Variants in SLC35F1 observed in about 807,000 individuals in gnomAD.
SLC35F1 encodes the protein solute carrier family 35 member F1, also known as chromosome 6 open reading frame 169.
A neutral mutation model predicts 48.7 loss-of-function variants in SLC35F1; 14 were observed. That is an observed-to-expected ratio of 0.29 (90% confidence interval 0.19 to 0.45). SLC35F1 has a LOEUF of 0.45. SLC35F1 is among the 20% of genes least tolerant of loss of function. The pLI is 1.00. For missense variants in SLC35F1, 404 were observed against 500.0 expected (o/e 0.81, Z 1.83); for synonymous variants, 190 against 202.2 (o/e 0.94, Z 0.51).
chr6:117,973,236 A>C (rs1216836401), intron 1 of SLC35F1, among the ~76,000 whole-genome samples: 1 of 152,020 alleles, frequency 6.6e-6, no homozygotes. Context: ...CTCTTCTTAT[A>C]AAGACAGCAG....
At chr6:117,998,957 G>A (rs1018563509) in intron 1 of SLC35F1, 165 of 941,610 alleles carry the variant, frequency 1.8e-4, no homozygotes, top group Non-Finnish European at 1.9e-4. Flanking sequence ...TTCGGGAGCC[G>A]CGGCTTATGG....
At chr6:118,070,960 GTA>G (rs1388913137) in intron 1 of SLC35F1, among the ~76,000 whole-genome samples, 2 of 131,190 alleles carry the variant, frequency 1.5e-5, no homozygotes, top group Non-Finnish European at 3.2e-5. Context: ...TATATACTGT[GTA>G]TATATATACA....
intron 1 of SLC35F1, among the ~76,000 whole-genome samples, chr6:118,005,758 A>T (rs1476918146): frequency 1.3e-5 from 2 of 152,186 alleles, no homozygotes; most frequent in African/African-American, 2.4e-5. Flanking sequence ...CAAGTCCATG[A>T]TCTAGCACTA....
At chr6:117,983,577 GA>G (rs1776810082) in intron 1 of SLC35F1, among the ~76,000 whole-genome samples, 1 of 151,788 alleles carries the variant, frequency 6.6e-6, no homozygotes. Context: ...ACGCAGTGTC[GA>G]AAAAGAAAAA....
At chr6:118,268,711 G>T (rs916028097) in intron 4 of SLC35F1, among the ~76,000 whole-genome samples, 3 of 147,848 alleles carry the variant, frequency 2.0e-5, no homozygotes, top group African/African-American at 7.5e-5. Flanking sequence ...CCGGGTTCAA[G>T]TGATTCCCCT....
At chr6:117,917,678 A>G (rs1337922505) in intron 1 of SLC35F1, among the ~76,000 whole-genome samples, 1 of 151,860 alleles carries the variant, frequency 6.6e-6, no homozygotes, top group Non-Finnish European at 1.5e-5. Flanking sequence ...TAAAGAGTTT[A>G]CTTTGGCAAG....
chr6:117,949,394 C>T (rs1308864390), intron 1 of SLC35F1, among the ~76,000 whole-genome samples: 1 of 152,160 alleles, frequency 6.6e-6, no homozygotes, highest in Non-Finnish European at 1.5e-5. Context: ...TTATTCCTCT[C>T]TTGGCACACC....
At chr6:117,913,252 A>C (rs1775785299) in intron 1 of SLC35F1, among the ~76,000 whole-genome samples, 1 of 152,220 alleles carries the variant, frequency 6.6e-6, no homozygotes, top group Non-Finnish European at 1.5e-5. Context: ...GTATGGAAAA[A>C]ACCTATGAAT....
At chr6:118,120,993 A>T (rs1013110605) in intron 1 of SLC35F1, among the ~76,000 whole-genome samples, 4 of 152,084 alleles carry the variant, frequency 2.6e-5, no homozygotes, top group Non-Finnish European at 5.9e-5. Flanking sequence ...CCTATCAGAA[A>T]TATATATATT....
chr6:118,072,201 C>G (rs1256634411), intron 1 of SLC35F1, among the ~76,000 whole-genome samples: 1 of 152,066 alleles, frequency 6.6e-6, no homozygotes, highest in Non-Finnish European at 1.5e-5. Context: ...TGTTTAATTT[C>G]CAAGAGATTT....
At chr6:118,094,740 A>C (rs1339236421) in intron 1 of SLC35F1, among the ~76,000 whole-genome samples, 1 of 151,960 alleles carries the variant, frequency 6.6e-6, no homozygotes, top group East Asian at 1.9e-4. Flanking sequence ...GGGCGAGGTG[A>C]GCAGATCACT....
intron 1 of SLC35F1, among the ~76,000 whole-genome samples, chr6:118,130,354 A>G (rs2114420575): frequency 6.6e-6 from 1 of 152,278 alleles, no homozygotes; most frequent in Non-Finnish European, 1.5e-5. Flanking sequence ...AAGTGAAGAT[A>G]GTTTCTTCCA....
At chr6:118,233,423 G>T (rs547057513) in intron 2 of SLC35F1, among the ~76,000 whole-genome samples, 1 of 152,336 alleles carries the variant, frequency 6.6e-6, no homozygotes, top group South Asian at 2.1e-4. Context: ...TGATCTGGCG[G>T]TGAAGAACTG....
chr6:117,933,874 C>T (rs1776132732), intron 1 of SLC35F1, among the ~76,000 whole-genome samples: 3 of 152,032 alleles, frequency 2.0e-5, no homozygotes, highest in South Asian at 2.1e-4. Context: ...GAGCTCAGTG[C>T]TCACTGCTTT....
At chr6:118,002,493 T>G (rs1777115600) in intron 1 of SLC35F1, among the ~76,000 whole-genome samples, 1 of 151,826 alleles carries the variant, frequency 6.6e-6, no homozygotes, top group South Asian at 2.1e-4. Flanking sequence ...GAGATATACC[T>G]AATGTTAAAT....
intron 1 of SLC35F1, among the ~76,000 whole-genome samples, chr6:117,934,734 A>T: frequency 6.6e-6 from 1 of 152,224 alleles, no homozygotes; most frequent in East Asian, 1.9e-4. Context: ...AAATGTCAAG[A>T]TATGAACATT....
chr6:117,982,431 G>A (rs1274079802), intron 1 of SLC35F1, among the ~76,000 whole-genome samples: 1 of 152,174 alleles, frequency 6.6e-6, no homozygotes, highest in Non-Finnish European at 1.5e-5. Context: ...AGAACAGCAG[G>A]TTCTTTTCCC....
At chr6:118,029,278 C>T (rs1772005604) in intron 1 of SLC35F1, among the ~76,000 whole-genome samples, 3 of 152,098 alleles carry the variant, frequency 2.0e-5, no homozygotes, top group Admixed American at 2.0e-4. Context: ...CAGTAGCCCT[C>T]CTTATCTGAG....
At chr6:118,018,390 A>T (rs551584598) in intron 1 of SLC35F1, among the ~76,000 whole-genome samples, 6 of 152,088 alleles carry the variant, frequency 3.9e-5, no homozygotes, top group African/African-American at 1.2e-4. Flanking sequence ...AAGAAAAAAG[A>T]AAAAAAGGCA....
Sources: gnomAD v4.1 joint callset for allele counts (sites outside exome capture counted in the v4.1 genomes callset) on GRCh38, gnomAD v4.1.1 for gene constraint, MANE v1.5 for transcripts, NCBI Gene and HGNC (gene_info 2026-07-23, HGNC 2026-07-21) for gene names.